Variants in MTMR10 observed in about 807,000 individuals in gnomAD.
The protein encoded by MTMR10 is myotubularin related protein 10, also known as myotubularin-related protein 10.
In MTMR10, 56 loss-of-function variants were observed where a neutral mutation model predicts 88.1. The observed-to-expected ratio is 0.64, with a 90% CI of 0.51 to 0.79. The LOEUF (loss-of-function observed/expected upper bound fraction) is 0.79, where lower values mean the gene tolerates loss of function less well. MTMR10 is among the 30% of genes least tolerant of loss of function. The pLI, the probability that MTMR10 is intolerant of heterozygous loss-of-function variation, is 0.00. For synonymous variants in MTMR10, 380 were observed against 340.9 expected, an observed-to-expected ratio of 1.11 and a Z score of -1.26; for missense variants, 883 against 924.7, an observed-to-expected ratio of 0.95 and a Z score of 0.58.
chr15:30,954,855 C>G lies in MTMR10; in HGVS notation c.974G>C (p.Ser325Thr). ...NAITKSHPQR[S>T]DVYKSDLDKT... ...ATCCAAATCTGATTTGTAAACATCA[C>G]TTCTCTGTGGGTGACTTTTAGTTAT... The change falls in exon 10 of 16, where the codon AGT becomes ACT. Residue 325 changes from serine (S) to threonine (T), a missense_variant. Ser to Thr is a moderately conservative substitution (Grantham distance 58). Coordinates refer to ENST00000435680, the MANE Select transcript of MTMR10 (RefSeq NM_017762.3). The G allele has an allele frequency of 1.3e-6, 2 of 1,570,856 alleles. No homozygotes were observed. Among genetic ancestry groups the G allele is most frequent in the Non-Finnish European group, 1.7e-6 (2 of 1,156,430 alleles).
chr15:30,966,642 G>A (rs1283549541), intron 6 of MTMR10, among the ~76,000 whole-genome samples: 3 of 152,070 alleles, frequency 2.0e-5, no homozygotes, highest in Non-Finnish European at 2.9e-5. Flanking sequence ...TGCAGGATCT[G>A]TATACTTTAT....
At chr15:30,950,667 T>A (rs1291360163) in intron 12 of MTMR10, among the ~76,000 whole-genome samples, 1 of 120,380 alleles carries the variant, frequency 8.3e-6, no homozygotes, top group African/African-American at 2.7e-5. Flanking sequence ...CGAAACTCCA[T>A]CTCAAAAAAA....
chr15:30,959,004 C>G (rs761126448), intron 8 of MTMR10, 30 bp downstream of exon 8: 1 of 1,613,218 alleles, frequency 6.2e-7, no homozygotes, highest in Non-Finnish European at 8.5e-7. Context: ...TGGACGTCAG[C>G]ATTCATAAAA....
chr15:30,938,009 C>T (rs886236602), downstream of MTMR10, among the ~76,000 whole-genome samples: 3 of 151,486 alleles, frequency 2.0e-5, no homozygotes, highest in South Asian at 6.3e-4. Flanking sequence ...CATGGTGAAA[C>T]CCATCTCTAC....
Position 30,942,054 on chromosome 15 carries a change from G to C in MTMR10, c.1750C>G (p.Leu584Val). ...KRTKKSYSSTLRGMPSALKNG... is the reference protein window; with the variant it reads ...KRTKKSYSSTVRGMPSALKNG... ...TTTAAGGCAGACGGCATTCCTCTTA[G>C]TGTGGAGCTGTAGCTTTTCTATACA... The change falls in exon 16 of 16, where the codon CTA becomes GTA. Residue 584 changes from leucine to valine, a missense_variant. Physicochemically the swap from Leu to Val is conservative, Grantham distance 32. Around this residue, in one of 3 missense-constraint regions of MTMR10, gnomAD observed 343 missense variants for 323.2 expected, o/e 1.06. Transcript: ENST00000435680. The C allele has an allele frequency of 6.2e-7, 1 of 1,613,632 alleles. No homozygotes were observed. Among genetic ancestry groups the C allele is most frequent in the Non-Finnish European group, 8.5e-7 (1 of 1,179,670 alleles).
At chr15:30,943,190 C>A in intron 14 of MTMR10, 118 bp from the exon 15 acceptor site, 1 of 1,419,940 alleles carries the variant, frequency 7.0e-7, no homozygotes, top group Non-Finnish European at 9.2e-7. Context: ...CCCTCAAAAC[C>A]CACCAGAGTG....
At chr15:30,933,158 C>T in the MTMR10 span, among the ~76,000 whole-genome samples, 14 of 152,192 alleles carry the variant, frequency 9.2e-5, no homozygotes, top group East Asian at 7.7e-4. Context: ...CTGATTTTCT[C>T]GAAGAATCAG....
At chr15:30,976,976 T>G in intron 2 of MTMR10, 21 bp from the exon 3 acceptor site, 1 of 1,607,634 alleles carries the variant, frequency 6.2e-7, no homozygotes, top group Non-Finnish European at 8.5e-7. Context: ...AGAAAAATAT[T>G]TGTAAGGTAC....
At chr15:30,983,864 C>T (rs1453806125) in intron 2 of MTMR10, among the ~76,000 whole-genome samples, 5 of 152,184 alleles carry the variant, frequency 3.3e-5, no homozygotes. Flanking sequence ...ATCTTTAATG[C>T]TGGTACTAAC....
At chr15:30,938,783 C>G (rs974284824), downstream of MTMR10, among the ~76,000 whole-genome samples, 1 of 152,096 alleles carries the variant, frequency 6.6e-6, no homozygotes, top group African/African-American at 2.4e-5. Context: ...TTAGCCACTT[C>G]CGAATTGCTG....
intron 1 of MTMR10, chr15:30,991,112 A>C: frequency 1.9e-6 from 1 of 518,870 alleles, no homozygotes; most frequent in Non-Finnish European, 3.3e-6. Context: ...CAAGCGCTGC[A>C]ATCATGCTGG....
intron 5 of MTMR10, among the ~76,000 whole-genome samples, chr15:30,972,592 C>CACTT (rs1401649743): frequency 1.3e-5 from 2 of 152,144 alleles, no homozygotes; most frequent in Admixed American, 1.3e-4. Flanking sequence ...ATTTCCACAG[C>CACTT]ACTTATTATG....
chr15:30,990,757 G>A lies in MTMR10; in HGVS notation c.121+20C>T, dbSNP rs1306945934. The A allele has an allele frequency of 3.7e-6, 6 of 1,600,162 alleles. No homozygotes were observed. Among genetic ancestry groups the A allele is most frequent in the South Asian group, 1.1e-5 (1 of 88,988 alleles). On this transcript the variant is annotated intron_variant, in intron 2 of 15. Transcript: ENST00000435680. ...AAATACGTTGCTAAAGTATCTGTTAGAATCCTAACTAATGTTTACCTGGCA... is the reference window on the plus strand; with the variant it reads ...AAATACGTTGCTAAAGTATCTGTTAAAATCCTAACTAATGTTTACCTGGCA...
intron 5 of MTMR10, among the ~76,000 whole-genome samples, chr15:30,972,994 C>T (rs1288478789): frequency 1.3e-5 from 2 of 152,184 alleles, no homozygotes; most frequent in Non-Finnish European, 2.9e-5. Flanking sequence ...TGAGATGCTA[C>T]ACATCTTAAG....
intron 4 of MTMR10, 43 bp downstream of exon 4, chr15:30,974,888 A>G (rs758863322): frequency 7.9e-7 from 1 of 1,266,938 alleles, no homozygotes; most frequent in Non-Finnish European, 1.1e-6. Context: ...TAATACTTCC[A>G]GAGTGGAATT....
At chr15:30,923,638 G>A in the MTMR10 span, among the ~76,000 whole-genome samples, 1 of 152,186 alleles carries the variant, frequency 6.6e-6, no homozygotes, top group East Asian at 1.9e-4. Flanking sequence ...CAGGGCAGAG[G>A]TGGAGCCAGC....
At chr15:30,984,242 G>T (rs8041717) in intron 2 of MTMR10, among the ~76,000 whole-genome samples, 37,099 of 152,058 alleles carry the variant, frequency 0.24, 4,664 homozygotes, top group African/African-American at 0.31. Context: ...CGATAGTGAG[G>T]AGTTTGGAGG....
At chr15:30,950,964 C>T (rs1287724013) in intron 12 of MTMR10, among the ~76,000 whole-genome samples, 1 of 152,010 alleles carries the variant, frequency 6.6e-6, no homozygotes, top group Non-Finnish European at 1.5e-5. Context: ...AGAATAATGA[C>T]AACAAAAAAA....
intron 4 of MTMR10, 118 bp from the exon 5 acceptor site, chr15:30,974,574 T>C: frequency 1.0e-6 from 1 of 978,168 alleles, no homozygotes; most frequent in Non-Finnish European, 1.4e-6. Flanking sequence ...GAGCTCTGCT[T>C]GTCTAGAATG....
Sources: gnomAD v4.1 joint callset for allele counts (sites outside exome capture counted in the v4.1 genomes callset) on GRCh38, gnomAD v4.1.1 for gene constraint, gnomAD v4.1.1 regional missense constraint, MANE v1.5 for transcripts, NCBI Gene and HGNC (gene_info 2026-07-23, HGNC 2026-07-21) for gene names.